The following KAZN variants were observed in gnomAD, a reference collection of about 807,000 sequenced individuals.
The protein encoded by KAZN is kazrin.
KAZN carries 40 observed loss-of-function variants against 87.4 expected under a neutral mutation model. The observed-to-expected ratio is 0.46, with a 90% confidence interval of 0.36 to 0.60. The LOEUF (loss-of-function observed/expected upper bound fraction) is 0.60. Ranked by LOEUF, KAZN falls within the 20% of genes least tolerant of loss-of-function variation. The pLI is 0.00. For missense variants in KAZN, 898 were observed against 1,073.9 expected, an observed-to-expected ratio of 0.84 and a Z score of 2.29; for synonymous variants, 466 against 458.3, an observed-to-expected ratio of 1.02 and a Z score of -0.22.
chr1:14,182,837 G>A (rs1325634483), intron 2 of KAZN, among the ~76,000 whole-genome samples: 3 of 152,164 alleles, frequency 2.0e-5, no homozygotes, highest in East Asian at 1.9e-4. Context: ...GTGGGAGGCC[G>A]ATAGAATGTA....
chr1:14,405,008 C>T (rs569016214), intron 2 of KAZN, among the ~76,000 whole-genome samples: 1 of 152,298 alleles, frequency 6.6e-6, no homozygotes, highest in East Asian at 1.9e-4. Context: ...ATGTTTTCTA[C>T]ATTGCATTAA....
intron 1 of KAZN, among the ~76,000 whole-genome samples, chr1:14,173,440 C>T (rs1419758568): frequency 6.6e-6 from 1 of 152,144 alleles, no homozygotes; most frequent in Non-Finnish European, 1.5e-5. Context: ...TATTCTCAGG[C>T]AAGAGTTCCT....
At chr1:14,959,342 G>A (rs1212383759) in intron 1 of KAZN, among the ~76,000 whole-genome samples, 2 of 152,230 alleles carry the variant, frequency 1.3e-5, no homozygotes, top group African/African-American at 2.4e-5. Flanking sequence ...GTGTTCAGGT[G>A]GAGGGCACTG....
intron 1 of KAZN, among the ~76,000 whole-genome samples, chr1:13,896,866 A>T (rs1639064679): frequency 6.6e-6 from 1 of 152,194 alleles, no homozygotes; most frequent in South Asian, 2.1e-4. Flanking sequence ...CTGAGCACTA[A>T]AGGGCGCCTA....
chr1:15,103,253 AGAGACTCTGTCT>A, intron 11 of KAZN, 94 bp from the exon 12 acceptor site: 1 of 784,630 alleles, frequency 1.3e-6, no homozygotes, highest in South Asian at 1.6e-5. Flanking sequence ...GGCAGCAGAG[AGAGACTCTGTCT>A]CGGGGGGAAA....
rs1294055799 is a variant in KAZN, at chr1:15,056,347, G to A, written c.916+67G>A. The A allele has an allele frequency of 6.7e-5, 99 of 1,474,098 alleles. No individual in the cohort carries two copies. In the East Asian group the frequency reaches 2.4e-3, roughly 36 times the overall value. 91.3% of individuals were successfully genotyped at this position (1,474,098 alleles called of 1,614,324 possible). ...GCTTCACAGGAGGCCATCTGACCCA[G>A]TGGGAGAGGCAGCTGCTTTGTTCGT... On this transcript the variant is annotated intron_variant, in intron 5 of 14. Transcript: ENST00000376030. This position sits in a 1 kb window ranked among gnomAD's most constrained non-coding sequence, Gnocchi z 5.4.
rs1643587858 is a variant in KAZN, at chr1:14,729,704, A to T, written c.226+130481A>T. Among the ~76,000 whole-genome samples, 3 of 152,172 alleles carry T rather than the reference A, an allele frequency of 2.0e-5. No individual in the cohort carries two copies. In the South Asian group the frequency reaches 6.2e-4, roughly 32 times the overall value. On this transcript the variant is annotated intron_variant, in intron 1 of 14. Transcript: ENST00000376030. Reference sequence around the variant, plus strand: ...AGCAGTCACTGGCTCGAAATGGAGAATGAGAGAAAAAGGAGCTTGTTTCAG... The same window carrying T: ...AGCAGTCACTGGCTCGAAATGGAGATTGAGAGAAAAAGGAGCTTGTTTCAG...
At chr1:14,216,719 A>G (rs971402872) in intron 2 of KAZN, among the ~76,000 whole-genome samples, 1 of 152,102 alleles carries the variant, frequency 6.6e-6, no homozygotes, top group Non-Finnish European at 1.5e-5. Flanking sequence ...CCTGGTCAAC[A>G]TGGCAAAACC....
intron 1 of KAZN, among the ~76,000 whole-genome samples, chr1:14,821,470 T>C (rs2100827551): frequency 6.7e-6 from 1 of 149,276 alleles, no homozygotes; most frequent in East Asian, 2.0e-4. Context: ...TGAGTGGAGA[T>C]AGCTCCACTG....
At position 14,117,562 on chromosome 1, in the gene KAZN, C is replaced by A. The variant is rs755036841; in HGVS notation, c.92-62873C>A. ...CTAATACACCTCCCAAAGGCCCCAC[C>A]TCCAAATACCATTACACTGGGGGTT... is the stretch of plus-strand genomic sequence containing the variant. On this transcript the variant is annotated intron_variant, in intron 1 of 16. Transcript: ENST00000636203. Among the ~76,000 whole-genome samples, 123 of 152,094 alleles carry A rather than the reference C, an allele frequency of 8.1e-4. 2 individuals carry two copies. The highest frequency in any genetic ancestry group is 2.4e-4 in the Non-Finnish European group (16 of 68,022).
At chr1:14,428,311 C>G (rs770441064) in intron 2 of KAZN, among the ~76,000 whole-genome samples, 1 of 152,130 alleles carries the variant, frequency 6.6e-6, no homozygotes, top group African/African-American at 2.4e-5. Flanking sequence ...TGATTATAGG[C>G]ATTCTGTAGG....
chr1:14,976,753 G>A lies in KAZN; in HGVS notation c.418+15878G>A, dbSNP rs937530374. ...TGGGCTGAAGAACACACGGCAGGGC[G>A]CTCAAAAACTGGGCTCTAGGCAGGG... On this transcript the variant is annotated intron_variant, in intron 2 of 14. Coordinates refer to ENST00000376030, the MANE Select transcript of KAZN (RefSeq NM_201628.3). Among the ~76,000 whole-genome samples, 18 of 152,096 alleles carry A rather than the reference G, an allele frequency of 1.2e-4. No individual in the cohort carries two copies. In the East Asian group the frequency reaches 2.9e-3, roughly 25 times the overall value.
intron 2 of KAZN, among the ~76,000 whole-genome samples, chr1:14,410,741 C>G (rs1001115487): frequency 6.6e-6 from 1 of 152,150 alleles, no homozygotes; most frequent in Non-Finnish European, 1.5e-5. Context: ...GAAAGAGAAC[C>G]CTGGAGAGAT....
rs34853912 is a variant in KAZN, at chr1:15,090,572, C to A, written c.1223-3608C>A. ...TGGGGCCCTGGCGGGGCTGCAGAGG[C>A]AGCTGCTGCCGTTTCCGCATTCCTG... On this transcript the variant is annotated intron_variant, in intron 8 of 14. Coordinates refer to ENST00000376030, the MANE Select transcript of KAZN (RefSeq NM_201628.3). Among the ~76,000 whole-genome samples, 1,444 of 152,356 alleles carry A rather than the reference C, an allele frequency of 9.5e-3. 5 individuals carry two copies. The highest frequency in any genetic ancestry group is 0.016 in the Non-Finnish European group (1,087 of 68,032).
At chr1:14,971,583 G>A (rs912143805) in intron 2 of KAZN, among the ~76,000 whole-genome samples, 4 of 151,928 alleles carry the variant, frequency 2.6e-5, no homozygotes, top group Non-Finnish European at 5.9e-5. Flanking sequence ...GAGTGAAATA[G>A]GGAAGAGAGG....
intron 1 of KAZN, among the ~76,000 whole-genome samples, chr1:14,829,202 A>G (rs963855898): frequency 1.6e-4 from 24 of 152,220 alleles, no homozygotes; most frequent in Non-Finnish European, 4.4e-5. Flanking sequence ...AGTCCCTTTG[A>G]GCCATGATAG....
intron 2 of KAZN, among the ~76,000 whole-genome samples, chr1:14,181,721 G>A (rs1371044350): frequency 2.0e-5 from 3 of 152,140 alleles, no homozygotes; most frequent in East Asian, 1.9e-4. Flanking sequence ...GTGGAAAAAG[G>A]AAGGATTCTG....
intron 2 of KAZN, among the ~76,000 whole-genome samples, chr1:14,528,748 CAAAAAAAAA>C (rs36033087): frequency 3.0e-5 from 2 of 66,934 alleles, no homozygotes; most frequent in African/African-American, 1.2e-4. Context: ...GACCCTGTCT[CAAAAAAAAA>C]AAAAAAAAAA....
rs1651101981 is a variant in KAZN, at chr1:14,262,332, T to C, written c.249+81740T>C. Among the ~76,000 whole-genome samples the C allele has an allele frequency of 4.6e-5, 7 of 152,334 alleles. No homozygotes were observed. In the South Asian group the frequency reaches 1.4e-3, roughly 32 times the overall value. On this transcript the variant is annotated intron_variant, in intron 2 of 16. Transcript: ENST00000636203. ...TGGCAGAAACCCCTCCTTGTGGCTC[T>C]TAGATGACTAAAATTGGTAAAAGCA...
Sources: allele counts gnomAD v4.1 joint callset (sites outside exome capture counted in the v4.1 genomes callset), GRCh38; gene constraint gnomAD v4.1.1; non-coding constraint Gnocchi (gnomAD v3.1); transcripts MANE v1.5; gene names NCBI Gene and HGNC (gene_info 2026-07-23, HGNC 2026-07-21).